Variants in IL1RAPL2 observed in about 807,000 individuals in gnomAD.
The protein encoded by IL1RAPL2 is interleukin 1 receptor accessory protein like 2, also known as X-linked interleukin-1 receptor accessory protein-like 2.
In IL1RAPL2, 3 loss-of-function variants were observed where a neutral mutation model predicts 44.1. The ratio of observed to expected loss-of-function variants is 0.07; its 90% CI spans 0.03 to 0.18. The LOEUF is 0.18. Among genes scored for constraint, IL1RAPL2 ranks in the 10% least tolerant of loss-of-function variants. The pLI, the probability that IL1RAPL2 is intolerant of heterozygous loss-of-function variation, is 1.00. For synonymous variants in IL1RAPL2, 181 were observed against 178.8 expected (o/e 1.01, Z -0.10); for missense variants, 391 against 496.4 (o/e 0.79, Z 2.02).
At chrX:104,889,793 T>C in intron 2 of IL1RAPL2, among the ~76,000 whole-genome samples, 1 of 91,116 alleles carries the variant, frequency 1.1e-5, no homozygotes, top group Admixed American at 1.2e-4. Context: ...TATTTTACAA[T>C]CCCAAATAGA....
intron 2 of IL1RAPL2, among the ~76,000 whole-genome samples, chrX:104,751,443 G>A (rs1932258496): frequency 9.0e-6 from 1 of 111,647 alleles, no homozygotes; most frequent in Non-Finnish European, 1.9e-5. Context: ...GGGAATAGGG[G>A]TTAGAATGAG....
chrX:104,592,386 C>T (rs1238554988), intron 1 of IL1RAPL2, among the ~76,000 whole-genome samples: 2 of 110,357 alleles, frequency 1.8e-5, no homozygotes, highest in African/African-American at 3.3e-5. Context: ...AAATTTGAGA[C>T]TGTCTACTCC....
intron 2 of IL1RAPL2, among the ~76,000 whole-genome samples, chrX:104,947,815 T>C (rs940076977): frequency 1.8e-5 from 2 of 112,357 alleles, no homozygotes; most frequent in African/African-American, 6.5e-5. Flanking sequence ...TTTTGGTTAC[T>C]GTAGCCTTGT....
At chrX:105,162,733 A>G (rs2033337276) in intron 2 of IL1RAPL2, among the ~76,000 whole-genome samples, 1 of 111,767 alleles carries the variant, frequency 8.9e-6, no homozygotes, top group Non-Finnish European at 1.9e-5. Flanking sequence ...AAAATATCAT[A>G]GACTAAGTGT....
At chrX:105,669,795 T>C (rs1460343104) in intron 6 of IL1RAPL2, among the ~76,000 whole-genome samples, 1 of 110,095 alleles carries the variant, frequency 9.1e-6, no homozygotes, top group Non-Finnish European at 1.9e-5. Context: ...ATTTAACTTC[T>C]GGCAACCACT....
intron 5 of IL1RAPL2, among the ~76,000 whole-genome samples, chrX:105,283,807 G>T (rs1160167007): frequency 9.0e-6 from 1 of 110,990 alleles, no homozygotes; most frequent in Non-Finnish European, 1.9e-5. Flanking sequence ...AGGATGAGCT[G>T]CAATAAAGTA....
intron 6 of IL1RAPL2, among the ~76,000 whole-genome samples, chrX:105,555,404 G>A (rs2036889874): frequency 9.0e-6 from 1 of 111,296 alleles, no homozygotes; most frequent in Non-Finnish European, 1.9e-5. Context: ...AAAGTCCTGT[G>A]TTGTCTATTG....
intron 2 of IL1RAPL2, among the ~76,000 whole-genome samples, chrX:104,766,245 G>A (rs947454219): frequency 2.7e-5 from 3 of 112,491 alleles, no homozygotes; most frequent in Non-Finnish European, 5.6e-5. Flanking sequence ...CTGAGATATA[G>A]AAAGCCTGTC....
chrX:105,051,046 G>A (rs1329979794), intron 2 of IL1RAPL2, among the ~76,000 whole-genome samples: 1 of 112,567 alleles, frequency 8.9e-6, no homozygotes, highest in Admixed American at 9.3e-5. Flanking sequence ...CCCAGAGCAG[G>A]CACACTAAGT....
intron 2 of IL1RAPL2, among the ~76,000 whole-genome samples, chrX:105,057,009 T>C (rs921160417): frequency 9.0e-6 from 1 of 111,679 alleles, no homozygotes; most frequent in African/African-American, 3.3e-5. Context: ...GTGATGACCA[T>C]GACGTTCTGA....
intron 6 of IL1RAPL2, among the ~76,000 whole-genome samples, chrX:105,647,185 G>A (rs765699446): frequency 1.6e-4 from 18 of 112,116 alleles, no homozygotes; most frequent in African/African-American, 2.3e-4. Flanking sequence ...GAAGCGTAGC[G>A]GACACCCTGC....
chrX:105,516,469 T>C (rs760382961), intron 6 of IL1RAPL2, among the ~76,000 whole-genome samples: 17 of 111,867 alleles, frequency 1.5e-4, no homozygotes, highest in Non-Finnish European at 2.8e-4. Context: ...ATCCAGGATG[T>C]CAAACACGTG....
At chrX:104,936,133 G>A (rs758620057) in intron 2 of IL1RAPL2, among the ~76,000 whole-genome samples, 1 of 111,436 alleles carries the variant, frequency 9.0e-6, no homozygotes, top group Non-Finnish European at 1.9e-5. Flanking sequence ...CCTTTCAAAA[G>A]CACCATTACC....
At chrX:105,450,072 T>C (rs1470712259) in intron 5 of IL1RAPL2, among the ~76,000 whole-genome samples, 2 of 112,096 alleles carry the variant, frequency 1.8e-5, no homozygotes, top group African/African-American at 6.5e-5. Flanking sequence ...TGATGTTCTA[T>C]TCTACTGTTT....
At chrX:105,234,137 AAT>A in intron 4 of IL1RAPL2, 133 bp downstream of exon 4, 1 of 467,157 alleles carries the variant, frequency 2.1e-6, no homozygotes, top group East Asian at 3.8e-5. Flanking sequence ...TCCATAACTA[AAT>A]AATTCAGAGC....
chrX:105,097,859 T>G (rs1411467122), intron 2 of IL1RAPL2, among the ~76,000 whole-genome samples: 1 of 111,350 alleles, frequency 9.0e-6, no homozygotes, highest in African/African-American at 3.3e-5. Flanking sequence ...GCAATTTAAG[T>G]AGGGTACCCG....
At chrX:105,744,215 T>G (rs2038522229) in intron 8 of IL1RAPL2, among the ~76,000 whole-genome samples, 1 of 111,957 alleles carries the variant, frequency 8.9e-6, no homozygotes, top group Non-Finnish European at 1.9e-5. Context: ...ACCAATTTTT[T>G]GGCCCATAGT....
chrX:105,749,876 C>T (rs917560776), intron 9 of IL1RAPL2, among the ~76,000 whole-genome samples: 3 of 111,316 alleles, frequency 2.7e-5, no homozygotes, highest in African/African-American at 9.8e-5. Context: ...GTTCTCATCC[C>T]GAAACTGCTG....
intron 6 of IL1RAPL2, among the ~76,000 whole-genome samples, chrX:105,710,007 T>TAAC (rs1409843588): frequency 1.8e-5 from 2 of 110,849 alleles, no homozygotes; most frequent in Non-Finnish European, 3.8e-5. Flanking sequence ...ATAACAACAA[T>TAAC]AACAACAACA....
Sources: gnomAD v4.1 joint callset for allele counts (sites outside exome capture counted in the v4.1 genomes callset) on GRCh38, gnomAD v4.1.1 for gene constraint, MANE v1.5 for transcripts, NCBI Gene and HGNC (gene_info 2026-07-23, HGNC 2026-07-21) for gene names.